Variants in SLC16A11 observed in about 807,000 individuals in gnomAD.
SLC16A11 encodes the protein monocarboxylate transporter 11.
Under a neutral mutation model 26.0 loss-of-function variants are expected in SLC16A11, and 24 were observed. The observed-to-expected ratio is 0.92, with a 90% CI of 0.67 to 1.30. SLC16A11 has a LOEUF of 1.30. SLC16A11 is among the 50% of genes most tolerant of loss of function. SLC16A11 has a pLI of 0.00. For synonymous variants in SLC16A11, 332 were observed against 296.0 expected (o/e 1.12, Z -1.25); for missense variants, 638 against 597.7 (o/e 1.07, Z -0.70).
Position 7,042,924 on chromosome 17 carries a change from C to A in SLC16A11, c.346+6G>T. 1 of 1,613,212 alleles carries A rather than the reference C, an allele frequency of 6.2e-7. No individual in the cohort carries two copies. The highest frequency in any genetic ancestry group is 8.5e-7 in the Non-Finnish European group (1 of 1,179,894). ...CTGAATGACCCGGGCATCCCACTTC[C>A]CTCACCAGCGAGGAGGCCCAGGCCG... is the stretch of plus-strand genomic sequence containing the variant. On this transcript the variant is annotated splice_donor_region_variant and intron_variant, in intron 3 of 4. Coordinates refer to ENST00000574600, the MANE Select transcript of SLC16A11 (RefSeq NM_001370549.1). The surrounding 1 kb of genome is among the most constrained non-coding windows in gnomAD (Gnocchi z 5.9).
rs976474913 is a variant in SLC16A11 at position 7,042,454 on chromosome 17, G to T, written c.656C>A (p.Ala219Asp). 6.4e-7 allele frequency: 1 copy of T among 1,556,542 alleles called. No individual in the cohort carries two copies. Among genetic ancestry groups the T allele is most frequent in the African/African-American group, 1.4e-5 (1 of 73,682 alleles). ...TGTGCCTAGAGCAAAGATTGAGAAGGCCCGGCGTGTGAACAGACTCAGGCC... is the reference window on the plus strand; with the variant it reads ...TGTGCCTAGAGCAAAGATTGAGAAGTCCCGGCGTGTGAACAGACTCAGGCC... ...ALGLSLFTRR[A>D]FSIFALGTAL... The change falls in exon 4 of 5, where the codon GCC becomes GAC. Residue 219 changes from alanine (A) to aspartate (D), a missense_variant. By Grantham distance (126) the Ala-to-Asp change is moderately radical. Coordinates refer to ENST00000574600, the MANE Select transcript of SLC16A11 (RefSeq NM_001370549.1). The surrounding 1 kb of genome is among the most constrained non-coding windows in gnomAD (Gnocchi z 5.9).
At chr17:7,043,266 G>C in intron 2 of SLC16A11, 46 bp downstream of exon 2, 2 of 1,571,462 alleles carry the variant, frequency 1.3e-6, no homozygotes, top group South Asian at 1.2e-5. Flanking sequence ...CTCCACTCAC[G>C]GCTCCTCCTC....
intron 1 of SLC16A11, 72 bp downstream of exon 1, chr17:7,043,703 G>A: frequency 7.8e-7 from 1 of 1,277,236 alleles, no homozygotes; most frequent in Non-Finnish European, 1.0e-6. Flanking sequence ...GTCCGCGCGA[G>A]GTACGGGGAC....
intron 1 of SLC16A11, 124 bp from the exon 2 acceptor site, chr17:7,043,643 T>C (rs1206098119): frequency 4.0e-6 from 6 of 1,489,342 alleles, no homozygotes; most frequent in Non-Finnish European, 5.3e-6. Context: ...CCGAGCGCGA[T>C]GGCGCGGGGC....
chr17:7,043,480 C>A lies in SLC16A11; in HGVS notation c.34G>T (p.Gly12Cys). Residue 12 changes from glycine (G) to cysteine (C), a missense_variant, in exon 2 of 5, where the codon GGC becomes TGC. Coordinates refer to ENST00000574600, the MANE Select transcript of SLC16A11 (RefSeq NM_001370549.1). ...GCGGCCGCCACCACCCAGCCCCAGC[C>A]CCCATCCGGGGGTCCGGCGGGCTGG... ...TPQPAGPPDG[G>C]WGWVVAAAAF... 6.3e-7 allele frequency: 1 copy of A among 1,598,880 alleles called. No homozygotes were observed. The highest frequency in any genetic ancestry group is 1.1e-5 in the South Asian group (1 of 90,764).
intron 2 of SLC16A11, 47 bp downstream of exon 2, chr17:7,043,265 C>G: frequency 6.4e-7 from 1 of 1,569,160 alleles, no homozygotes; most frequent in Non-Finnish European, 8.6e-7. Flanking sequence ...CCTCCACTCA[C>G]GGCTCCTCCT....
intron 4 of SLC16A11, 22 bp downstream of exon 4, chr17:7,041,974 A>C (rs1415124692): frequency 1.3e-6 from 2 of 1,592,292 alleles, no homozygotes; most frequent in African/African-American, 2.7e-5. Context: ...TTGTAGGCAG[A>C]TCTGTGAGCT....
In SLC16A11 at chr17:7,042,715, C is replaced by A. The variant is rs1476894657; in HGVS notation, c.395G>T (p.Arg132Leu). 2 of 1,546,176 alleles carry A rather than the reference C, an allele frequency of 1.3e-6. No homozygotes were observed. The highest frequency in any genetic ancestry group is 1.7e-6 in the Non-Finnish European group (2 of 1,149,924). ...CAAGACTCGACGGCGGGAGAAGTAA[C>A]GCGAGAGGGTGCCTAGGGCGGGGGC... ...VFAPALGTLS[R>L]YFSRRRVLAV... The change falls in exon 4 of 5, where the codon CGT becomes CTT. Residue 132 changes from arginine (R) to leucine (L), a missense_variant. Transcript: ENST00000574600. The surrounding 1 kb of genome is among the most constrained non-coding windows in gnomAD (Gnocchi z 5.9).
Position 7,042,957 on chromosome 17 carries a change from G to A in SLC16A11, c.319C>T (p.Leu107Phe), listed in dbSNP as rs1183808339. The change falls in exon 3 of 5, where the codon CTC (leucine) becomes TTC (phenylalanine). Residue 107 changes from leucine (L) to phenylalanine (F), a missense_variant. Coordinates refer to ENST00000574600, the MANE Select transcript of SLC16A11 (RefSeq NM_001370549.1). The surrounding 1 kb of genome is among the most constrained non-coding windows in gnomAD (Gnocchi z 5.9). ...GCGAGGAGGCCCAGGCCGAGGTAGA[G>A]ATGCAGCAGATCGCTGGCGAAAGCC... ...FSAFASDLLH[L>F]YLGLGLLAGF... The A allele has an allele frequency of 3.7e-6, 6 of 1,612,902 alleles. No individual in the cohort carries two copies. The highest frequency in any genetic ancestry group is 3.4e-6 in the Non-Finnish European group (4 of 1,179,798).
intron 2 of SLC16A11, 57 bp from the exon 3 acceptor site, chr17:7,043,130 A>G (rs1036139226): frequency 1.8e-4 from 268 of 1,473,122 alleles, no homozygotes; most frequent in Non-Finnish European, 1.4e-4. Flanking sequence ...ACTCTCTCCA[A>G]CACTTCTCAT....
rs761587642 is a variant in SLC16A11 at position 7,043,505 on chromosome 17, G to A, written c.9C>T (p.Pro3=). 25 of 1,598,770 alleles carry A rather than the reference G, an allele frequency of 1.6e-5. No individual in the cohort carries two copies. In the South Asian group the frequency reaches 2.4e-4, roughly 15 times the overall value. The stretch of plus-strand genomic sequence containing the variant: ...CCCCATCCGGGGGTCCGGCGGGCTG[G>A]GGGGTCATCGCCGTCTGCGGGGTGG... MT[P]QPAGPPDGGW... The change falls in exon 2 of 5, where the codon CCC becomes CCT. Residue 3 remains proline (P), a synonymous_variant. Coordinates refer to ENST00000574600, the MANE Select transcript of SLC16A11 (RefSeq NM_001370549.1).
At chr17:7,043,614 C>T (rs765912007) in intron 1 of SLC16A11, 95 bp from the exon 2 acceptor site, 269 of 1,503,774 alleles carry the variant, frequency 1.8e-4, no homozygotes, top group Non-Finnish European at 2.2e-4. Flanking sequence ...GGCTGCTCGC[C>T]CGGGGTGGGC....
In SLC16A11 at chr17:7,041,626, G is replaced by A; in HGVS notation, c.*53C>T. 1 of 1,492,724 alleles carries A rather than the reference G, an allele frequency of 6.7e-7. No homozygotes were observed. Among genetic ancestry groups the A allele is most frequent in the Non-Finnish European group, 9.0e-7 (1 of 1,108,322 alleles). 92.5% of individuals were successfully genotyped at this position (1,492,724 alleles called of 1,614,324 possible). A position where few individuals can be genotyped will look rare whatever the true frequency, so the allele number is the denominator to read the frequency against. ...GATTGGTGAACAGTTGGAGGTTTCA[G>A]GAAAACCCGATAAAAATTCTTTATT... On this transcript the variant is annotated 3_prime_UTR_variant, in exon 5 of 5. Transcript: ENST00000574600.
At chr17:7,043,691 G>A (rs901723305) in intron 1 of SLC16A11, 84 bp downstream of exon 1, 1 of 1,362,812 alleles carries the variant, frequency 7.3e-7, no homozygotes, top group African/African-American at 1.5e-5. Flanking sequence ...TGGAACTCCC[G>A]GGTCCGCGCG....
In SLC16A11 at chr17:7,043,128, C is replaced by T. The variant is rs2271313; in HGVS notation, c.203-55G>A. 63 of 1,473,646 alleles carry T rather than the reference C, an allele frequency of 4.3e-5. 1 individual carries two copies. The East Asian group carries it at 1.5e-3, about 35-fold the overall frequency. The allele number at this position is 1,473,646 out of a possible 1,614,324, so 91.3% of individuals were successfully genotyped here. On this transcript the variant is annotated intron_variant, in intron 2 of 4. Coordinates refer to ENST00000574600, the MANE Select transcript of SLC16A11 (RefSeq NM_001370549.1). The stretch of plus-strand genomic sequence containing the variant: ...CGCCCCCGGGCCCCCAAACTCTCTC[C>T]AACACTTCTCATTGGCTGTTTGCCT...
chr17:7,043,112 G>C (rs745552798), intron 2 of SLC16A11, 39 bp from the exon 3 acceptor site: 9 of 1,490,790 alleles, frequency 6.0e-6, no homozygotes, highest in Non-Finnish European at 5.3e-6. Context: ...ACGCCCCCGG[G>C]CCCCCAAACT....
rs1910738199 is a variant in SLC16A11, at chr17:7,041,664, C to T, written c.*15G>A. On this transcript the variant is annotated 3_prime_UTR_variant, in exon 5 of 5. Coordinates refer to ENST00000574600, the MANE Select transcript of SLC16A11 (RefSeq NM_001370549.1). The stretch of plus-strand genomic sequence containing the variant: ...AAAATTCTTTATTGGGGGAGGGGCT[C>T]AAACAAGAAAATAATCAACAAGTGG... The T allele has an allele frequency of 1.3e-6, 2 of 1,567,468 alleles. No homozygotes were observed. The highest frequency in any genetic ancestry group is 4.5e-5 in the East Asian group (2 of 44,314).
intron 1 of SLC16A11, 116 bp downstream of exon 1, chr17:7,043,659 G>T: frequency 6.8e-7 from 1 of 1,471,040 alleles, no homozygotes; most frequent in Non-Finnish European, 9.0e-7. Flanking sequence ...GGGGCGGAGG[G>T]AGCCGGAGCC....
Position 7,043,845 on chromosome 17 carries a change from C to G in SLC16A11, c.-77G>C, listed in dbSNP as rs1293475059. 2 of 425,416 alleles carry G rather than the reference C, an allele frequency of 4.7e-6. No homozygotes were observed. Among genetic ancestry groups the G allele is most frequent in the African/African-American group, 2.1e-5 (1 of 48,646 alleles). 26.4% of individuals were successfully genotyped at this position (425,416 alleles called of 1,614,324 possible). The stretch of plus-strand genomic sequence containing the variant: ...TGGGCCCGGCTTTCTCTCTGCTTCC[C>G]AGGCGGGCGGGGGCCCCGAAGGGGA... On this transcript the variant is annotated 5_prime_UTR_variant, in exon 1 of 5. Coordinates refer to ENST00000574600, the MANE Select transcript of SLC16A11 (RefSeq NM_001370549.1).
Sources: gnomAD v4.1 joint callset for allele counts on GRCh38, gnomAD v4.1.1 for gene constraint, Gnocchi (gnomAD v3.1) non-coding constraint, MANE v1.5 for transcripts, NCBI Gene and HGNC (gene_info 2026-07-23, HGNC 2026-07-21) for gene names.